Variants in RGL1 observed in about 807,000 individuals in gnomAD.
The protein encoded by RGL1 is ral guanine nucleotide dissociation stimulator-like 1.
Under a neutral mutation model 95.2 loss-of-function variants are expected in RGL1, and 24 were observed. The observed-to-expected ratio is 0.25, with a 90% CI of 0.18 to 0.35. The LOEUF (loss-of-function observed/expected upper bound fraction) is 0.35, where lower values mean the gene tolerates loss of function less well. Ranked by LOEUF, RGL1 falls within the 10% of genes least tolerant of loss-of-function variation. The pLI is 1.00. For synonymous variants in RGL1, 329 were observed against 344.9 expected, an observed-to-expected ratio of 0.95 and a Z score of 0.51; for missense variants, 715 against 936.3, an observed-to-expected ratio of 0.76 and a Z score of 3.08.
At chr1:183,729,184 A>ATATG (rs1478074597) in intron 1 of RGL1, among the ~76,000 whole-genome samples, 4 of 150,494 alleles carry the variant, frequency 2.7e-5, no homozygotes, top group African/African-American at 9.7e-5. Flanking sequence ...TAAAATATAT[A>ATATG]TGTGTGTGTG....
rs751229707 is a variant in RGL1, at chr1:183,805,971, C to CTTTTTTTTTTTTTTTTTTTTTTTTTTTT, written c.28-391_28-364dup. ...TTTCTTTTTCTTTTTCTTTTCTTTT[C>CTTTTTTTTTTTTTTTTTTTTTTTTTTTT]TTTTTTTTTTTTTTTTTTTTTTTTT... On this transcript the variant is annotated intron_variant, in intron 1 of 17. Transcript: ENST00000360851. Among the ~76,000 whole-genome samples, 131 of 74,640 alleles carry CTTTTTTTTTTTTTTTTTTTTTTTTTTTT rather than the reference C, an allele frequency of 1.8e-3. 8 individuals carry two copies. Among genetic ancestry groups the CTTTTTTTTTTTTTTTTTTTTTTTTTTTT allele is most frequent in the Non-Finnish European group, 1.8e-3 (71 of 39,108 alleles). 49.0% of individuals were successfully genotyped at this position (74,640 alleles called of 152,430 possible).
chr1:183,748,563 G>T (rs567349617), intron 2 of RGL1, among the ~76,000 whole-genome samples: 1 of 151,974 alleles, frequency 6.6e-6, no homozygotes, highest in South Asian at 2.1e-4. Context: ...CCGCCACCAC[G>T]TCCAGCTAAT....
At chr1:183,642,959 C>G (rs1296854915) in intron 1 of RGL1, among the ~76,000 whole-genome samples, 2 of 152,196 alleles carry the variant, frequency 1.3e-5, no homozygotes, top group Non-Finnish European at 2.9e-5. Flanking sequence ...CTGTTCCCTG[C>G]TCCCCAGCCC....
chr1:183,757,524 T>A (rs1336657275), intron 2 of RGL1, among the ~76,000 whole-genome samples: 1 of 152,212 alleles, frequency 6.6e-6, no homozygotes, highest in Non-Finnish European at 1.5e-5. Flanking sequence ...AGAAATTTAC[T>A]TTCTAGGAAG....
chr1:183,641,879 T>C (rs1649949519), intron 1 of RGL1, among the ~76,000 whole-genome samples: 1 of 152,228 alleles, frequency 6.6e-6, no homozygotes, highest in Non-Finnish European at 1.5e-5. Context: ...ATTTTAGAAT[T>C]TATGGTTTTT....
At chr1:183,810,215 T>C (rs1661615069) in intron 2 of RGL1, among the ~76,000 whole-genome samples, 1 of 152,210 alleles carries the variant, frequency 6.6e-6, no homozygotes, top group African/African-American at 2.4e-5. Context: ...TTCATGCTGT[T>C]GTCTTCAGAA....
chr1:183,849,556 T>G (rs1248284142), intron 3 of RGL1, among the ~76,000 whole-genome samples: 2 of 144,014 alleles, frequency 1.4e-5, no homozygotes, highest in Non-Finnish European at 3.0e-5. Flanking sequence ...AGTGGCGTGA[T>G]CTCGGCTCAC....
intron 2 of RGL1, among the ~76,000 whole-genome samples, chr1:183,813,475 C>G (rs1016709681): frequency 5.3e-5 from 8 of 152,206 alleles, no homozygotes; most frequent in African/African-American, 1.9e-4. Flanking sequence ...TTCTCAGATT[C>G]CAGAGAACTT....
chr1:183,653,558 A>G (rs1650923226), intron 1 of RGL1, among the ~76,000 whole-genome samples: 1 of 152,140 alleles, frequency 6.6e-6, no homozygotes, highest in African/African-American at 2.4e-5. Flanking sequence ...CCTGGTCTAG[A>G]GTAGGTGCCA....
rs985930154 is a variant in RGL1 at position 183,652,409 on chromosome 1, G to C, written c.-33+15908G>C. Among the ~76,000 whole-genome samples, 16 of 152,276 alleles carry C rather than the reference G, an allele frequency of 1.1e-4. No homozygotes were observed. In the East Asian group the frequency reaches 2.9e-3, roughly 28 times the overall value. ...AACTTTTCAGTGTCAACCAACTATA[G>C]TTTCCTATTGGTGAAGTTTTCACTT... On this transcript the variant is annotated intron_variant, in intron 1 of 18. Coordinates refer to the RGL1 transcript ENST00000304685.
At chr1:183,728,066 A>G (rs573857976) in intron 1 of RGL1, among the ~76,000 whole-genome samples, 36 of 152,294 alleles carry the variant, frequency 2.4e-4, no homozygotes, top group African/African-American at 7.9e-4. Flanking sequence ...CCTGAATAGA[A>G]CAAAAAGCAG....
At chr1:183,703,884 A>G (rs905473699) in intron 1 of RGL1, among the ~76,000 whole-genome samples, 1 of 152,176 alleles carries the variant, frequency 6.6e-6, no homozygotes, top group Non-Finnish European at 1.5e-5. Context: ...AAAGGTGAGG[A>G]CAAGTGAGAA....
intron 17 of RGL1, among the ~76,000 whole-genome samples, chr1:183,924,145 C>A (rs1274862852): frequency 6.8e-6 from 1 of 147,366 alleles, no homozygotes; most frequent in Non-Finnish European, 1.5e-5. Context: ...ATAAATCATT[C>A]TGCTATAAAG....
At chr1:183,814,870 T>C (rs916140089) in intron 2 of RGL1, among the ~76,000 whole-genome samples, 2 of 152,218 alleles carry the variant, frequency 1.3e-5, no homozygotes, top group South Asian at 4.1e-4. Flanking sequence ...CTGTGGACAA[T>C]ATTTATCTAA....
chr1:183,718,707 G>A (rs1376038526), intron 1 of RGL1, among the ~76,000 whole-genome samples: 1 of 152,014 alleles, frequency 6.6e-6, no homozygotes, highest in Non-Finnish European at 1.5e-5. Context: ...ACAAGGTCAG[G>A]AGTTCGAGAC....
Position 183,852,329 on chromosome 1 carries a change from C to T in RGL1, c.347+4555C>T, listed in dbSNP as rs569841047. ...GTTTGAATTCACGTATAGCTAATTCCATGTGTTTGCTTTACCCCTTACTTG... is the reference window on the plus strand; with the variant it reads ...GTTTGAATTCACGTATAGCTAATTCTATGTGTTTGCTTTACCCCTTACTTG... On this transcript the variant is annotated intron_variant, in intron 3 of 17. Coordinates refer to ENST00000360851, the MANE Select transcript of RGL1 (RefSeq NM_001297671.3). Among the ~76,000 whole-genome samples, 33 of 152,202 alleles carry T rather than the reference C, an allele frequency of 2.2e-4. No individual in the cohort carries two copies. The South Asian group carries it at 5.6e-3, about 26-fold the overall frequency.
chr1:183,755,395 G>A (rs181680282), intron 2 of RGL1, among the ~76,000 whole-genome samples: 5 of 151,986 alleles, frequency 3.3e-5, no homozygotes, highest in African/African-American at 9.7e-5. Flanking sequence ...ACTATTCTAT[G>A]CCTTTAAAAT....
intron 2 of RGL1, among the ~76,000 whole-genome samples, chr1:183,794,215 C>T (rs1660583051): frequency 6.6e-6 from 1 of 152,058 alleles, no homozygotes; most frequent in Non-Finnish European, 1.5e-5. Context: ...CATGTTCTCA[C>T]TCATGTGGGA....
chr1:183,783,517 T>C (rs921429210), intron 2 of RGL1, among the ~76,000 whole-genome samples: 2 of 152,186 alleles, frequency 1.3e-5, no homozygotes, highest in African/African-American at 4.8e-5. Flanking sequence ...TAAACAGGCA[T>C]GTGACAATGT....
Sources: gnomAD v4.1 joint callset for allele counts (sites outside exome capture counted in the v4.1 genomes callset) on GRCh38, gnomAD v4.1.1 for gene constraint, MANE v1.5 for transcripts, NCBI Gene and HGNC (gene_info 2026-07-23, HGNC 2026-07-21) for gene names.